UBASH3B: variants seen among roughly 807,000 people sequenced by gnomAD.
UBASH3B encodes ubiquitin-associated and SH3 domain-containing protein B.
UBASH3B carries 37 observed loss-of-function variants against 83.4 expected under a neutral mutation model. The ratio of observed to expected loss-of-function variants is 0.44; its 90% CI spans 0.34 to 0.58. The LOEUF is 0.58. UBASH3B is among the 20% of genes least tolerant of loss of function. The pLI, the probability that UBASH3B is intolerant of heterozygous loss-of-function variation, is 0.01. For missense variants in UBASH3B, 657 were observed against 827.2 expected, an observed-to-expected ratio of 0.79 and a Z score of 2.52; for synonymous variants, 304 against 318.3, an observed-to-expected ratio of 0.96 and a Z score of 0.48.
rs1404380933 is a variant in UBASH3B, at chr11:122,779,650, A to C, written c.556A>C (p.Lys186Gln). The C allele has an allele frequency of 1.3e-5, 21 of 1,614,084 alleles. No individual in the cohort carries two copies. Among genetic ancestry groups the C allele is most frequent in the Non-Finnish European group, 1.7e-5 (20 of 1,180,052 alleles). The part of the protein sequence containing the change: ...FVKEDSAEVL[K>Q]KFAADFAAEA... ...AAAGGAAGACAGTGCGGAGGTCCTC[A>C]AGAAGTTTGCTGCTGACTTTGCTGC... The change falls in exon 4 of 14, where the codon AAG (lysine) becomes CAG (glutamine). Residue 186 changes from lysine (K) to glutamine (Q), a missense_variant. This residue lies in a region of UBASH3B where 573 missense variants were observed against 739.0 expected (regional missense o/e 0.78). Coordinates refer to ENST00000284273, the MANE Select transcript of UBASH3B (RefSeq NM_032873.5).
At chr11:122,756,931 C>T (rs1337815149) in intron 1 of UBASH3B, among the ~76,000 whole-genome samples, 1 of 152,214 alleles carries the variant, frequency 6.6e-6, no homozygotes, top group African/African-American at 2.4e-5. Context: ...GGCTTCCTGT[C>T]CCCATCAAAT....
chr11:122,734,558 T>G (rs1860901126), intron 1 of UBASH3B, among the ~76,000 whole-genome samples: 1 of 152,162 alleles, frequency 6.6e-6, no homozygotes, highest in African/African-American at 2.4e-5. Flanking sequence ...GTAATCTGGC[T>G]TAGCTCAGCA....
rs746466819 is a variant in UBASH3B at position 122,789,059 on chromosome 11, G to A, written c.772-41G>A. ...CTGCCCTCAAGGCGCTCAGGAGAAT[G>A]GTGAGGCATGGGGCTCACTCACCCT... On this transcript the variant is annotated intron_variant, in intron 5 of 13. Coordinates refer to ENST00000284273, the MANE Select transcript of UBASH3B (RefSeq NM_032873.5). 2.5e-6 allele frequency: 4 copies of A among 1,572,320 alleles called. No homozygotes were observed. In the East Asian group the frequency reaches 6.8e-5, roughly 27 times the overall value.
intron 1 of UBASH3B, among the ~76,000 whole-genome samples, chr11:122,692,490 G>A (rs367942322): frequency 6.6e-6 from 1 of 152,208 alleles, no homozygotes; most frequent in East Asian, 1.9e-4. Flanking sequence ...AGAGATGTGG[G>A]ATACACCCTA....
intron 9 of UBASH3B, 192 bp downstream of exon 9, chr11:122,797,225 G>C: frequency 1.6e-6 from 1 of 625,294 alleles, no homozygotes; most frequent in Non-Finnish European, 2.6e-6. Flanking sequence ...GTTGACCAAA[G>C]TGAATGAGGT....
chr11:122,797,180 A>G (rs1591328412), intron 9 of UBASH3B, 147 bp downstream of exon 9: 1 of 1,160,254 alleles, frequency 8.6e-7, no homozygotes, highest in Non-Finnish European at 1.2e-6. Flanking sequence ...CTACACAACC[A>G]TTAAGTTTAG....
At position 122,730,051 on chromosome 11, in the gene UBASH3B, C is replaced by T. The variant is rs184611802; in HGVS notation, c.162-46168C>T. ...CCTGTAATCCTAGCACTTTGGAGGC[C>T]GAGGCAGGTGGATCACTTGAAGCCA... On this transcript the variant is annotated intron_variant, in intron 1 of 13. Coordinates refer to ENST00000284273, the MANE Select transcript of UBASH3B (RefSeq NM_032873.5). Among the ~76,000 whole-genome samples, 71 of 148,132 alleles carry T rather than the reference C, an allele frequency of 4.8e-4. 1 individual carries two copies. Among genetic ancestry groups the T allele is most frequent in the African/African-American group, 1.3e-3 (54 of 40,200 alleles).
At chr11:122,714,896 C>A (rs1256964718) in intron 1 of UBASH3B, among the ~76,000 whole-genome samples, 2 of 152,100 alleles carry the variant, frequency 1.3e-5, no homozygotes, top group South Asian at 4.2e-4. Flanking sequence ...AATTTTAGTA[C>A]CCATGTCATA....
At chr11:122,657,720 T>C (rs1159125610) in intron 1 of UBASH3B, among the ~76,000 whole-genome samples, 3 of 152,174 alleles carry the variant, frequency 2.0e-5, no homozygotes, top group Non-Finnish European at 4.4e-5. Flanking sequence ...GGCTGCAAAA[T>C]GGACTGATGG....
At chr11:122,742,763 G>A (rs1416313090) in intron 1 of UBASH3B, among the ~76,000 whole-genome samples, 1 of 152,196 alleles carries the variant, frequency 6.6e-6, no homozygotes, top group African/African-American at 2.4e-5. Context: ...TCAGAGAAAG[G>A]GAAAAACTGA....
chr11:122,656,634 C>G (rs1863368409), intron 1 of UBASH3B, among the ~76,000 whole-genome samples: 1 of 152,192 alleles, frequency 6.6e-6, no homozygotes, highest in South Asian at 2.1e-4. Flanking sequence ...CTGGGATCCT[C>G]CGGTGTCTGG....
At chr11:122,771,474 C>G (rs1860641583) in intron 1 of UBASH3B, among the ~76,000 whole-genome samples, 1 of 152,338 alleles carries the variant, frequency 6.6e-6, no homozygotes, top group East Asian at 1.9e-4. Flanking sequence ...CTCCTCTCCT[C>G]AGGTGATCCA....
intron 1 of UBASH3B, among the ~76,000 whole-genome samples, chr11:122,715,182 T>C (rs1003191018): frequency 3.3e-5 from 5 of 152,216 alleles, no homozygotes; most frequent in Non-Finnish European, 7.3e-5. Flanking sequence ...CCTGACCTCG[T>C]GATCCGCCCG....
chr11:122,690,485 G>C (rs952561579), intron 1 of UBASH3B, among the ~76,000 whole-genome samples: 8 of 151,676 alleles, frequency 5.3e-5, no homozygotes, highest in Non-Finnish European at 1.0e-4. Flanking sequence ...TGGTTTTGAA[G>C]GGTGTGTGGT....
intron 1 of UBASH3B, among the ~76,000 whole-genome samples, chr11:122,692,381 ACT>A (rs1474502606): frequency 6.6e-6 from 1 of 152,176 alleles, no homozygotes; most frequent in Non-Finnish European, 1.5e-5. Context: ...TCTATTGATT[ACT>A]CACTGTAAGA....
At position 122,794,695 on chromosome 11, in the gene UBASH3B, T is replaced by A; in HGVS notation, c.981-7T>A. 6.2e-7 allele frequency: 1 copy of A among 1,614,076 alleles called. No individual in the cohort carries two copies. The highest frequency in any genetic ancestry group is 8.5e-7 in the Non-Finnish European group (1 of 1,179,986). Reference sequence around the variant, plus strand: ...GCAGTTAACACCTTCCTTATCTTCCTCTGCAGTTCTTATTCAATCTTAAAT... The same window carrying A: ...GCAGTTAACACCTTCCTTATCTTCCACTGCAGTTCTTATTCAATCTTAAAT... On this transcript the variant is annotated splice_polypyrimidine_tract_variant and splice_region_variant and intron_variant, in intron 6 of 13. Transcript: ENST00000284273.
intron 1 of UBASH3B, among the ~76,000 whole-genome samples, chr11:122,707,708 A>T (rs919290168): frequency 6.6e-6 from 1 of 151,222 alleles, no homozygotes; most frequent in Non-Finnish European, 1.5e-5. Context: ...TTATTTATTT[A>T]TTTTTTTTGA....
intron 1 of UBASH3B, among the ~76,000 whole-genome samples, chr11:122,693,737 G>T (rs1863925859): frequency 6.6e-6 from 1 of 152,166 alleles, no homozygotes; most frequent in South Asian, 2.1e-4. Context: ...GCCAGGCGTG[G>T]TGGCACATGC....
At chr11:122,667,515 A>G (rs983598989) in intron 1 of UBASH3B, among the ~76,000 whole-genome samples, 1 of 152,212 alleles carries the variant, frequency 6.6e-6, no homozygotes, top group African/African-American at 2.4e-5. Flanking sequence ...CACGATTATG[A>G]TAAAGCGTGG....
Sources: gnomAD v4.1 joint callset for allele counts (sites outside exome capture counted in the v4.1 genomes callset) on GRCh38, gnomAD v4.1.1 for gene constraint, gnomAD v4.1.1 regional missense constraint, MANE v1.5 for transcripts, NCBI Gene and HGNC (gene_info 2026-07-23, HGNC 2026-07-21) for gene names.